The following FHOD3 variants were observed in gnomAD, a reference collection of about 807,000 sequenced individuals.
FHOD3 encodes FH1/FH2 domain-containing protein 3.
FHOD3 carries 90 observed loss-of-function variants against 173.0 expected under a neutral mutation model. That is an observed-to-expected ratio of 0.52 (90% CI 0.44 to 0.62). The LOEUF (loss-of-function observed/expected upper bound fraction) is 0.62, where lower values mean the gene tolerates loss of function less well. FHOD3 is among the 20% of genes least tolerant of loss of function. FHOD3 has a pLI of 0.00. For missense variants in FHOD3, 1,945 were observed against 2,034.7 expected, an observed-to-expected ratio of 0.96 and a Z score of 0.85; for synonymous variants, 828 against 823.0, an observed-to-expected ratio of 1.01 and a Z score of -0.10.
chr18:36,704,448 G>A (rs2039758696), intron 17 of FHOD3, among the ~76,000 whole-genome samples: 1 of 152,178 alleles, frequency 6.6e-6, no homozygotes, highest in Non-Finnish European at 1.5e-5. Flanking sequence ...AGTCCTTCCT[G>A]CAGTTCCCCT....
At chr18:36,375,415 C>T (rs764134759) in intron 3 of FHOD3, among the ~76,000 whole-genome samples, 3 of 152,194 alleles carry the variant, frequency 2.0e-5, no homozygotes, top group African/African-American at 7.2e-5. Flanking sequence ...GTTCCTTCCA[C>T]CCACGATTGG....
At chr18:36,736,511 G>A (rs2041639905) in intron 20 of FHOD3, among the ~76,000 whole-genome samples, 1 of 152,222 alleles carries the variant, frequency 6.6e-6, no homozygotes, top group Non-Finnish European at 1.5e-5. Flanking sequence ...CAGCAAGAAG[G>A]AGAGCTGGAA....
In FHOD3 at chr18:36,568,326, C is replaced by CA. The variant is rs71168234; in HGVS notation, c.512-8084dup. ...CTGGGCGACAGAGCAGACTCTGTCT[C>CA]AAAAAAAAAAAAAAAAAAAAAAAAA... On this transcript the variant is annotated intron_variant, in intron 5 of 28. Coordinates refer to ENST00000590592, the MANE Select transcript of FHOD3 (RefSeq NM_001281740.3). 5.0e-4 allele frequency among the ~76,000 whole-genome samples: 12 copies of CA among 24,062 alleles called. 3 individuals are homozygous for CA. The highest frequency in any genetic ancestry group is 4.4e-3 in the East Asian group (3 of 688). The allele number at this position is 24,062 out of a possible 152,430, so 15.8% of individuals were successfully genotyped here. A position where few individuals can be genotyped will look rare whatever the true frequency, so the allele number is the denominator to read the frequency against.
At chr18:36,636,893 A>T (rs1047134930) in intron 10 of FHOD3, among the ~76,000 whole-genome samples, 1 of 151,952 alleles carries the variant, frequency 6.6e-6, no homozygotes, top group African/African-American at 2.4e-5. Context: ...TTCAGAAGCT[A>T]TTTTTTCTTT....
At chr18:36,596,097 G>A (rs1275773715) in intron 7 of FHOD3, among the ~76,000 whole-genome samples, 1 of 152,014 alleles carries the variant, frequency 6.6e-6, no homozygotes, top group East Asian at 1.9e-4. Flanking sequence ...GAAACGAGGG[G>A]CCTAAATTGC....
rs554433683 is a variant in FHOD3, at chr18:36,319,119, G to T, written c.165+21119G>T. Among the ~76,000 whole-genome samples, 10 of 152,206 alleles carry T rather than the reference G, an allele frequency of 6.6e-5. No homozygotes were observed. The South Asian group carries it at 2.1e-3, about 32-fold the overall frequency. On this transcript the variant is annotated intron_variant, in intron 1 of 28. Transcript: ENST00000590592. ...GCTTTTTGATTTGCTGCTGGATTCGGTTTGCCAGTATTTTATTGAGGATTT... is the reference window on the plus strand; with the variant it reads ...GCTTTTTGATTTGCTGCTGGATTCGTTTTGCCAGTATTTTATTGAGGATTT...
chr18:36,389,774 T>G (rs2048207298), intron 3 of FHOD3, among the ~76,000 whole-genome samples: 1 of 152,098 alleles, frequency 6.6e-6, no homozygotes, highest in Non-Finnish European at 1.5e-5. Flanking sequence ...GGAGGACATG[T>G]GTCTTCTATG....
intron 1 of FHOD3, among the ~76,000 whole-genome samples, chr18:36,328,385 G>T (rs73949432): frequency 6.6e-6 from 1 of 152,022 alleles, no homozygotes; most frequent in Non-Finnish European, 1.5e-5. Context: ...CAAGTGCAAG[G>T]GTCCTGAGAT....
intron 3 of FHOD3, among the ~76,000 whole-genome samples, chr18:36,408,417 C>A (rs17650493): frequency 0.12 from 18,124 of 151,940 alleles, 1,275 homozygotes; most frequent in South Asian, 0.31. Flanking sequence ...GGGGTTAATG[C>A]CCTGAGGTGG....
At chr18:36,380,644 C>CCTTTCCTTTCCTTTCCTTTCTT (rs2047730527) in intron 3 of FHOD3, among the ~76,000 whole-genome samples, 2 of 73,070 alleles carry the variant, frequency 2.7e-5, no homozygotes, top group Admixed American at 1.8e-4. Context: ...TTTCCTTTCT[C>CCTTTCCTTTCCTTTCCTTTCTT]TGTATCTCTT....
chr18:36,599,450 G>A (rs1021491047), intron 7 of FHOD3, among the ~76,000 whole-genome samples: 1 of 152,222 alleles, frequency 6.6e-6, no homozygotes, highest in Non-Finnish European at 1.5e-5. Flanking sequence ...TGAAGATCGT[G>A]TAAAGTGTAG....
At chr18:36,700,611 A>G (rs1568629715) in intron 17 of FHOD3, among the ~76,000 whole-genome samples, 1 of 152,052 alleles carries the variant, frequency 6.6e-6, no homozygotes, top group Non-Finnish European at 1.5e-5. Flanking sequence ...GATCTGGGCC[A>G]TTTCAATCAC....
At chr18:36,699,121 A>G (rs187656792) in intron 17 of FHOD3, among the ~76,000 whole-genome samples, 1 of 152,314 alleles carries the variant, frequency 6.6e-6, no homozygotes, top group East Asian at 1.9e-4. Flanking sequence ...AAAGACTATC[A>G]ATGCCTTTGC....
intron 3 of FHOD3, among the ~76,000 whole-genome samples, chr18:36,488,152 A>G (rs1239514880): frequency 1.3e-5 from 2 of 152,186 alleles, no homozygotes; most frequent in Non-Finnish European, 2.9e-5. Flanking sequence ...AAGAATACTT[A>G]AAGGAAGAAC....
At chr18:36,676,878 G>A (rs925251939) in intron 14 of FHOD3, among the ~76,000 whole-genome samples, 2 of 152,064 alleles carry the variant, frequency 1.3e-5, no homozygotes, top group Non-Finnish European at 2.9e-5. Context: ...ATTTGAAGGG[G>A]TTCTTTTTGT....
At chr18:36,488,440 C>A (rs938962886) in intron 3 of FHOD3, among the ~76,000 whole-genome samples, 6 of 152,182 alleles carry the variant, frequency 3.9e-5, no homozygotes, top group Non-Finnish European at 8.8e-5. Flanking sequence ...TGGGGCCTGT[C>A]TGAGCTCAGG....
At chr18:36,755,339 T>C (rs1216607430) in intron 25 of FHOD3, 28 bp downstream of exon 25, 11 of 1,458,006 alleles carry the variant, frequency 7.5e-6, no homozygotes, top group Admixed American at 2.3e-5. Flanking sequence ...CCTCTCCTTA[T>C]GTCATTCGTT....
chr18:36,759,074 C>T, intron 25 of FHOD3, 44 bp from the exon 26 acceptor site: 2 of 1,534,374 alleles, frequency 1.3e-6, no homozygotes, highest in Non-Finnish European at 1.7e-6. Flanking sequence ...TCTAAGAATC[C>T]CTTCTGTCTT....
At chr18:36,618,310 G>GTTTTTTTTTT (rs1465774220) in intron 9 of FHOD3, among the ~76,000 whole-genome samples, 15 of 85,236 alleles carry the variant, frequency 1.8e-4, no homozygotes, top group Non-Finnish European at 2.3e-4. Context: ...GTTTTTTGGT[G>GTTTTTTTTTT]GTTTTTTTTT....
Sources: gnomAD v4.1 joint callset for allele counts (sites outside exome capture counted in the v4.1 genomes callset) on GRCh38, gnomAD v4.1.1 for gene constraint, MANE v1.5 for transcripts, NCBI Gene and HGNC (gene_info 2026-07-23, HGNC 2026-07-21) for gene names.